The following KIF21A variants were observed in gnomAD, a reference collection of about 807,000 sequenced individuals.
KIF21A encodes kinesin-like protein KIF21A.
In KIF21A, 114 loss-of-function variants were observed where a neutral mutation model predicts 202.9. That is an observed-to-expected ratio of 0.56 (90% CI 0.48 to 0.66). The LOEUF (loss-of-function observed/expected upper bound fraction) is 0.66, where lower values mean the gene tolerates loss of function less well. Among genes scored for constraint, KIF21A ranks in the 30% least tolerant of loss-of-function variants. The pLI, the probability that KIF21A is intolerant of heterozygous loss-of-function variation, is 0.00. For synonymous variants in KIF21A, 667 were observed against 670.8 expected (o/e 0.99, Z 0.09); for missense variants, 1,677 against 1,994.9 (o/e 0.84, Z 3.04).
At chr12:39,386,271 T>G (rs1950942382) in intron 1 of KIF21A, among the ~76,000 whole-genome samples, 1 of 152,092 alleles carries the variant, frequency 6.6e-6, no homozygotes, top group Non-Finnish European at 1.5e-5. Flanking sequence ...CTGGCTGGAA[T>G]GCAGAGCGGT....
chr12:39,301,686 G>GA lies in KIF21A; in HGVS notation c.4732-8dup, dbSNP rs1406350130. ...TATGTGCATTTGGAACTTGCTAAAA[G>GA]AAAAAAAGTGAAATCAGCAGCTTAA... On this transcript the variant is annotated splice_region_variant and splice_polypyrimidine_tract_variant and intron_variant, in intron 36 of 37. Coordinates refer to ENST00000361418, the MANE Select transcript of KIF21A (RefSeq NM_001173464.2). 1.2e-6 allele frequency: 2 copies of GA among 1,612,472 alleles called. No individual in the cohort carries two copies. Among genetic ancestry groups the GA allele is most frequent in the African/African-American group, 1.3e-5 (1 of 74,962 alleles).
intron 1 of KIF21A, among the ~76,000 whole-genome samples, chr12:39,403,734 C>T (rs1314010837): frequency 6.6e-6 from 1 of 152,152 alleles, no homozygotes; most frequent in Admixed American, 6.5e-5. Context: ...TAATCTAAAA[C>T]ATGAGAACTC....
intron 13 of KIF21A, 40 bp downstream of exon 13, chr12:39,341,994 C>G (rs776093840): frequency 5.0e-6 from 7 of 1,411,046 alleles, no homozygotes; most frequent in Non-Finnish European, 7.0e-6. Flanking sequence ...ACAACCAAAC[C>G]TGGTGACTAA....
At chr12:39,387,161 T>TACACACACACACACAC (rs3036323) in intron 1 of KIF21A, among the ~76,000 whole-genome samples, 14 of 138,158 alleles carry the variant, frequency 1.0e-4, no homozygotes, top group African/African-American at 3.8e-4. Flanking sequence ...ATGCAGTAGT[T>TACACACACACACACAC]ACACACACAC....
chr12:39,411,865 CCTT>C (rs1566233664), intron 1 of KIF21A, among the ~76,000 whole-genome samples: 1 of 151,938 alleles, frequency 6.6e-6, no homozygotes, highest in Non-Finnish European at 1.5e-5. Context: ...TAAACAGTCT[CCTT>C]CTGTCACCCA....
chr12:39,318,583 A>C (rs1944839418), intron 28 of KIF21A, among the ~76,000 whole-genome samples: 1 of 152,180 alleles, frequency 6.6e-6, no homozygotes, highest in Non-Finnish European at 1.5e-5. Flanking sequence ...TCTATTTTTA[A>C]ATCATTTATG....
In KIF21A at chr12:39,406,176, C is replaced by T. The variant is rs888246104; in HGVS notation, c.45-35915G>A. 2.0e-5 allele frequency among the ~76,000 whole-genome samples: 3 copies of T among 150,986 alleles called. No homozygotes were observed. In the East Asian group the frequency reaches 5.8e-4, roughly 29 times the overall value. On this transcript the variant is annotated intron_variant, in intron 1 of 37. Coordinates refer to ENST00000361418, the MANE Select transcript of KIF21A (RefSeq NM_001173464.2). ...ACTTCCTCCAAAAAAAAAAGCCAAA[C>T]AAACACAAAATAATACTTTCAAGTT... is the stretch of plus-strand genomic sequence containing the variant.
chr12:39,407,848 G>T (rs143692194), intron 1 of KIF21A, among the ~76,000 whole-genome samples: 83 of 150,566 alleles, frequency 5.5e-4, no homozygotes, highest in African/African-American at 1.9e-3. Flanking sequence ...CTCTCAATTG[G>T]CCTTTTACAT....
chr12:39,346,619 A>C, intron 11 of KIF21A, 115 bp from the exon 12 acceptor site: 1 of 587,526 alleles, frequency 1.7e-6, no homozygotes, highest in Non-Finnish European at 2.6e-6. Flanking sequence ...AAGACTTTAA[A>C]ATAAATTTTA....
chr12:39,350,535 T>C (rs766541285), intron 11 of KIF21A, among the ~76,000 whole-genome samples: 1 of 152,054 alleles, frequency 6.6e-6, no homozygotes, highest in South Asian at 2.1e-4. Flanking sequence ...AAAAGTCTTA[T>C]GTTAATTCAA....
intron 1 of KIF21A, among the ~76,000 whole-genome samples, chr12:39,413,770 T>C (rs538685163): frequency 6.6e-6 from 1 of 152,192 alleles, no homozygotes; most frequent in East Asian, 1.9e-4. Flanking sequence ...CAAGAACTTA[T>C]CTCTAAAAAT....
At chr12:39,401,727 C>T (rs1952186059) in intron 1 of KIF21A, among the ~76,000 whole-genome samples, 1 of 152,158 alleles carries the variant, frequency 6.6e-6, no homozygotes, top group Non-Finnish European at 1.5e-5. Context: ...AATGTTGTCA[C>T]CACTTAAATT....
At chr12:39,323,926 T>G (rs1309467549) in intron 26 of KIF21A, among the ~76,000 whole-genome samples, 1 of 152,010 alleles carries the variant, frequency 6.6e-6, no homozygotes, top group Non-Finnish European at 1.5e-5. Flanking sequence ...CTGGCTAACA[T>G]GGTGAAACCC....
intron 1 of KIF21A, among the ~76,000 whole-genome samples, chr12:39,426,366 T>A (rs544077841): frequency 6.6e-5 from 10 of 152,332 alleles, no homozygotes; most frequent in African/African-American, 2.2e-4. Context: ...TATGTGTGGA[T>A]GAACAGTCGT....
rs756337041 is a variant in KIF21A, at chr12:39,309,764, G to A, written c.4099C>T (p.Arg1367Cys). 13 of 1,612,018 alleles carry A rather than the reference G, an allele frequency of 8.1e-6. No individual in the cohort carries two copies. Among genetic ancestry groups the A allele is most frequent in the Middle Eastern group, 1.7e-4 (1 of 6,058 alleles). ...ACCAGATTCCATACTTTACAAGTACGATCTAAAACAAACACATAAAAAAAA... is the reference window on the plus strand; with the variant it reads ...ACCAGATTCCATACTTTACAAGTACAATCTAAAACAAACACATAAAAAAAA... ...DDLLFTGSKD[R>C]TCKVWNLVTG... The change falls in exon 33 of 38, where the codon CGT becomes TGT. Residue 1367 changes from arginine to cysteine, a missense_variant and splice_region_variant. Coordinates refer to ENST00000361418, the MANE Select transcript of KIF21A (RefSeq NM_001173464.2).
intron 1 of KIF21A, among the ~76,000 whole-genome samples, chr12:39,438,543 T>C (rs1280818213): frequency 6.6e-6 from 1 of 152,184 alleles, no homozygotes; most frequent in Non-Finnish European, 1.5e-5. Flanking sequence ...CTAAGCCTGC[T>C]GAGCAATGCC....
At chr12:39,317,199 T>C (rs1010668860) in intron 29 of KIF21A, among the ~76,000 whole-genome samples, 18 of 152,158 alleles carry the variant, frequency 1.2e-4, no homozygotes, top group African/African-American at 4.1e-4. Flanking sequence ...AAATTAAGTA[T>C]ATTTATAATT....
Position 39,302,985 on chromosome 12 carries a change from T to C in KIF21A, c.4711A>G (p.Thr1571Ala). ...RDNGIKKWDL[T>A]QKDLLQQVPN... Reference sequence around the variant, plus strand: ...ATTACCTGAAGAAGGTCTTTTTGAGTTAAGTCCCATTTCTTGATTCCATTA... The same window carrying C: ...ATTACCTGAAGAAGGTCTTTTTGAGCTAAGTCCCATTTCTTGATTCCATTA... The change falls in exon 36 of 38, where the codon ACT becomes GCT. Residue 1571 changes from threonine to alanine, a missense_variant. Physicochemically the swap from Thr to Ala is moderately conservative, Grantham distance 58. Coordinates refer to ENST00000361418, the MANE Select transcript of KIF21A (RefSeq NM_001173464.2). The C allele has an allele frequency of 6.2e-7, 1 of 1,613,978 alleles. No homozygotes were observed. Among genetic ancestry groups the C allele is most frequent in the Non-Finnish European group, 8.5e-7 (1 of 1,179,880 alleles).
intron 1 of KIF21A, among the ~76,000 whole-genome samples, chr12:39,400,934 A>C (rs1952124695): frequency 6.6e-6 from 1 of 152,214 alleles, no homozygotes; most frequent in African/African-American, 2.4e-5. Flanking sequence ...GGTTTCACAA[A>C]GGTTCCTAGA....
Sources: allele counts gnomAD v4.1 joint callset (sites outside exome capture counted in the v4.1 genomes callset), GRCh38; gene constraint gnomAD v4.1.1; transcripts MANE v1.5; gene names NCBI Gene and HGNC (gene_info 2026-07-23, HGNC 2026-07-21).